The following DAPK1 variants were observed in gnomAD, a reference collection of about 807,000 sequenced individuals.
DAPK1 encodes death associated protein kinase 1.
In DAPK1, 56 loss-of-function variants were observed where a neutral mutation model predicts 144.9. The ratio of observed to expected loss-of-function variants is 0.39; its 90% confidence interval spans 0.31 to 0.48. The LOEUF is 0.48. Among genes scored for constraint, DAPK1 ranks in the 20% least tolerant of loss-of-function variants. The pLI, the probability that DAPK1 is intolerant of heterozygous loss-of-function variation, is 0.95. For synonymous variants in DAPK1, 690 were observed against 749.0 expected, an observed-to-expected ratio of 0.92 and a Z score of 1.29; for missense variants, 1,454 against 1,875.4, an observed-to-expected ratio of 0.78 and a Z score of 4.15.
intron 2 of DAPK1, among the ~76,000 whole-genome samples, chr9:87,590,849 G>A (rs1587746052): frequency 1.3e-5 from 2 of 152,254 alleles, no homozygotes; most frequent in South Asian, 4.1e-4. Context: ...TCAGCCTCCC[G>A]AAGTGCTGGG....
At chr9:87,567,121 T>G (rs1298706484) in intron 2 of DAPK1, among the ~76,000 whole-genome samples, 1 of 152,202 alleles carries the variant, frequency 6.6e-6, no homozygotes, top group African/African-American at 2.4e-5. Context: ...ATTAAAATAT[T>G]CTCTTTCTGT....
chr9:87,616,473 C>T (rs949802939), intron 3 of DAPK1, among the ~76,000 whole-genome samples: 10 of 152,068 alleles, frequency 6.6e-5, no homozygotes, highest in African/African-American at 1.9e-4. Flanking sequence ...TGGGGGGAAA[C>T]GTTGATTTAC....
At chr9:87,660,335 C>T (rs1830798471) in intron 18 of DAPK1, among the ~76,000 whole-genome samples, 1 of 152,026 alleles carries the variant, frequency 6.6e-6, no homozygotes, top group Admixed American at 6.5e-5. Flanking sequence ...GGGGCGTCGC[C>T]CTCAGAAACG....
intron 18 of DAPK1, among the ~76,000 whole-genome samples, chr9:87,662,632 G>A (rs968211778): frequency 3.0e-5 from 4 of 133,602 alleles, no homozygotes; most frequent in African/African-American, 8.5e-5. Context: ...GGGCTGGATC[G>A]TCATTGGTAT....
chr9:87,519,680 C>T (rs1825220061), intron 2 of DAPK1, among the ~76,000 whole-genome samples: 1 of 152,142 alleles, frequency 6.6e-6, no homozygotes, highest in African/African-American at 2.4e-5. Flanking sequence ...CCCAGGAGCA[C>T]CCAGCATCCT....
rs1356470158 is a variant in DAPK1, at chr9:87,645,947, A to T, written c.1064A>T (p.Asp355Val). ...MKAIIHAIND[D>V]NVPGLQHLLG... Reference sequence around the variant, plus strand: ...GCCATCATCCATGCCATCAACGATGACAATGTCCCAGGCCTGCAGCACCTT... The same window carrying T: ...GCCATCATCCATGCCATCAACGATGTCAATGTCCCAGGCCTGCAGCACCTT... Residue 355 changes from aspartate to valine, a missense_variant, in exon 12 of 26, where the codon GAC (aspartate) becomes GTC (valine). Coordinates refer to ENST00000408954, the MANE Select transcript of DAPK1 (RefSeq NM_004938.4). 1 of 1,613,814 alleles carries T rather than the reference A, an allele frequency of 6.2e-7. No individual in the cohort carries two copies. Among genetic ancestry groups the T allele is most frequent in the Non-Finnish European group, 8.5e-7 (1 of 1,179,792 alleles).
chr9:87,594,850 C>A (rs1029273898), intron 2 of DAPK1, among the ~76,000 whole-genome samples: 1 of 152,188 alleles, frequency 6.6e-6, no homozygotes, highest in South Asian at 2.1e-4. Context: ...AGAAGGAGCA[C>A]CAGGCCTGAG....
chr9:87,638,842 T>C (rs1399607318), intron 4 of DAPK1, among the ~76,000 whole-genome samples: 1 of 152,192 alleles, frequency 6.6e-6, no homozygotes, highest in East Asian at 1.9e-4. Flanking sequence ...CACACACTCA[T>C]ATACATCCTA....
intron 2 of DAPK1, among the ~76,000 whole-genome samples, chr9:87,514,546 C>A (rs985922392): frequency 6.6e-6 from 1 of 152,232 alleles, no homozygotes; most frequent in Admixed American, 6.5e-5. Flanking sequence ...CTCCCATGAT[C>A]TAGGTCTGTG....
At chr9:87,650,954 C>G (rs1217474850) in intron 16 of DAPK1, among the ~76,000 whole-genome samples, 2 of 152,180 alleles carry the variant, frequency 1.3e-5, no homozygotes, top group Non-Finnish European at 2.9e-5. Flanking sequence ...TTTCAGAACT[C>G]TCCACCCAGC....
Position 87,643,360 on chromosome 9 carries a change from T to TC in DAPK1, c.919-16_919-15insC, listed in dbSNP as rs747414199. ...TCCCCGCCCTCCCTTTTTTTTTTTTTTTTTTTAAAAAAAAGCAATCCGTTC... is the reference window on the plus strand; with the variant it reads ...TCCCCGCCCTCCCTTTTTTTTTTTTTCTTTTTTAAAAAAAAGCAATCCGTTC... On this transcript the variant is annotated splice_polypyrimidine_tract_variant and intron_variant, in intron 10 of 25. Coordinates refer to ENST00000408954, the MANE Select transcript of DAPK1 (RefSeq NM_004938.4). The TC allele has an allele frequency of 1.3e-6, 2 of 1,498,840 alleles. No homozygotes were observed. Among genetic ancestry groups the TC allele is most frequent in the South Asian group, 2.5e-5 (2 of 80,242 alleles). 92.8% of individuals were successfully genotyped at this position (1,498,840 alleles called of 1,614,324 possible).
At chr9:87,543,514 A>G (rs1826129394) in intron 2 of DAPK1, among the ~76,000 whole-genome samples, 1 of 152,224 alleles carries the variant, frequency 6.6e-6, no homozygotes, top group Non-Finnish European at 1.5e-5. Context: ...AAACAACACA[A>G]TCAGCCAAAA....
At position 87,499,049 on chromosome 9, in the gene DAPK1, T is replaced by C. The variant is rs1450877792; in HGVS notation, c.-29T>C. 1 of 1,612,088 alleles carries C rather than the reference T, an allele frequency of 6.2e-7. No individual in the cohort carries two copies. Among genetic ancestry groups the C allele is most frequent in the South Asian group, 1.1e-5 (1 of 91,028 alleles). On this transcript the variant is annotated 5_prime_UTR_variant, in exon 2 of 26. Transcript: ENST00000408954. The stretch of plus-strand genomic sequence containing the variant: ...TCTGGGAAGCGGAGCTGAAGTGCCC[T>C]GGGCTTTGGTGAGGCGTGACAGTTT...
rs1830392610 is a variant in DAPK1 at position 87,650,052 on chromosome 9, C to T, written c.1560C>T (p.Ala520=). The T allele has an allele frequency of 4.3e-6, 7 of 1,614,018 alleles. No homozygotes were observed. The highest frequency in any genetic ancestry group is 1.7e-5 in the Admixed American group (1 of 60,008). The change falls in exon 16 of 26, where the codon GCC becomes GCT. Residue 520 remains alanine (A), a synonymous_variant. Coordinates refer to ENST00000408954, the MANE Select transcript of DAPK1 (RefSeq NM_004938.4). The stretch of plus-strand genomic sequence containing the variant: ...AGACGCCCCTCCTGACAGCCTCTGC[C>T]AGGGGCTACCACGACATCGTGGAGT... The part of the protein sequence containing the change: ...EGETPLLTAS[A]RGYHDIVECL...
Position 87,707,148 on chromosome 9 carries a change from C to T in DAPK1, c.4077C>T (p.His1359=), listed in dbSNP as rs377618349. 16 of 1,613,348 alleles carry T rather than the reference C, an allele frequency of 9.9e-6. No individual in the cohort carries two copies. The highest frequency in any genetic ancestry group is 1.3e-5 in the African/African-American group (1 of 74,926). The change falls in exon 26 of 26, where the codon CAC becomes CAT. Residue 1359 remains histidine, a synonymous_variant. Transcript: ENST00000408954. The surrounding 1 kb of genome is among the most constrained non-coding windows in gnomAD (Gnocchi z 4.0). Reference sequence around the variant, plus strand: ...AGGATTTCCTCCCCAGCCCCCTCCACGCCCTGCTGCGGGAATGGACCACCT... The same window carrying T: ...AGGATTTCCTCCCCAGCCCCCTCCATGCCCTGCTGCGGGAATGGACCACCT... ...APKDFLPSPL[H]ALLREWTTYP... is the part of the protein sequence containing the mutation.
chr9:87,612,791 C>T (rs899943361), intron 3 of DAPK1, among the ~76,000 whole-genome samples: 2 of 152,018 alleles, frequency 1.3e-5, no homozygotes, highest in African/African-American at 2.4e-5. Flanking sequence ...AGGATTGGAG[C>T]GGGGGTGGGG....
intron 2 of DAPK1, chr9:87,506,836 G>T (rs1824619238): frequency 6.6e-6 from 1 of 152,122 alleles, no homozygotes; most frequent in South Asian, 2.1e-4. Flanking sequence ...TTAGAAGAAG[G>T]TGGAAGAAAA....
intron 3 of DAPK1, among the ~76,000 whole-genome samples, chr9:87,614,842 T>C (rs1829043033): frequency 6.6e-6 from 1 of 152,146 alleles, no homozygotes; most frequent in African/African-American, 2.4e-5. Flanking sequence ...GACTGCCTGT[T>C]TGGTGGTCAG....
chr9:87,685,603 G>A (rs574961229), intron 20 of DAPK1, among the ~76,000 whole-genome samples: 4 of 152,268 alleles, frequency 2.6e-5, no homozygotes, highest in Admixed American at 1.3e-4. Context: ...TGGGAGAGAC[G>A]GGGAGCAGGG....
Sources: gnomAD v4.1 joint callset for allele counts (sites outside exome capture counted in the v4.1 genomes callset) on GRCh38, gnomAD v4.1.1 for gene constraint, Gnocchi (gnomAD v3.1) non-coding constraint, MANE v1.5 for transcripts, NCBI Gene and HGNC (gene_info 2026-07-23, HGNC 2026-07-21) for gene names.